Variants in ACTR3C observed in about 807,000 individuals in gnomAD.
ACTR3C encodes the protein actin-related protein 3C.
ACTR3C carries 18 observed loss-of-function variants against 26.3 expected under a neutral mutation model. The ratio of observed to expected loss-of-function variants is 0.68; its 90% CI spans 0.47 to 1.01. ACTR3C has a LOEUF of 1.01. Ranked by LOEUF, ACTR3C falls within the 50% of genes least tolerant of loss-of-function variation. The pLI, the probability that ACTR3C is intolerant of heterozygous loss-of-function variation, is 0.00. For missense variants in ACTR3C, 184 were observed against 250.7 expected, an observed-to-expected ratio of 0.73 and a Z score of 1.80; for synonymous variants, 55 against 94.5, an observed-to-expected ratio of 0.58 and a Z score of 2.42.
the ACTR3C span, among the ~76,000 whole-genome samples, chr7:150,134,891 A>T: frequency 6.6e-6 from 1 of 152,168 alleles, no homozygotes; most frequent in African/African-American, 2.4e-5. Context: ...TTAAATGAAC[A>T]CCGGCCCCAT....
the ACTR3C span, among the ~76,000 whole-genome samples, chr7:149,943,667 C>T: frequency 3.0e-4 from 46 of 152,124 alleles, no homozygotes; most frequent in Admixed American, 2.8e-3. Context: ...GCCGAGATCC[C>T]GCCATTGCAC....
intron 1 of ACTR3C, among the ~76,000 whole-genome samples, chr7:150,316,782 C>T (rs1445819096): frequency 6.6e-6 from 1 of 152,120 alleles, no homozygotes; most frequent in Non-Finnish European, 1.5e-5. Flanking sequence ...CCACGCCTGG[C>T]CAAGAATCTG....
the ACTR3C span, among the ~76,000 whole-genome samples, chr7:149,923,213 A>T: frequency 8.2e-6 from 1 of 121,940 alleles, no homozygotes; most frequent in Non-Finnish European, 1.9e-5. Flanking sequence ...ATGTTTAAAT[A>T]CATATATATG....
At chr7:150,109,071 A>G in the ACTR3C span, among the ~76,000 whole-genome samples, 1 of 152,030 alleles carries the variant, frequency 6.6e-6, no homozygotes, top group Non-Finnish European at 1.5e-5. Flanking sequence ...CAAAGTCATG[A>G]TGCAAAGTCG....
chr7:149,905,319 A>C, the ACTR3C span, among the ~76,000 whole-genome samples: 1 of 152,046 alleles, frequency 6.6e-6, no homozygotes, highest in Non-Finnish European at 1.5e-5. Flanking sequence ...AGGTGTGCCA[A>C]ATGGGAATGC....
chr7:150,254,403 T>C (rs968206348), intron 6 of ACTR3C, among the ~76,000 whole-genome samples: 1 of 152,214 alleles, frequency 6.6e-6, no homozygotes. Flanking sequence ...ATAGAACTGA[T>C]GTTTATTGTT....
At chr7:149,966,962 A>G in the ACTR3C span, among the ~76,000 whole-genome samples, 4 of 149,188 alleles carry the variant, frequency 2.7e-5, no homozygotes, top group Non-Finnish European at 4.4e-5. Flanking sequence ...CCCAGGCTCA[A>G]GCAATTCTCC....
the ACTR3C span, among the ~76,000 whole-genome samples, chr7:150,039,563 G>C: frequency 9.4e-5 from 14 of 148,976 alleles, no homozygotes; most frequent in Non-Finnish European, 2.1e-4. Flanking sequence ...GGGGGAAGAG[G>C]GACTGGCTCT....
the ACTR3C span, among the ~76,000 whole-genome samples, chr7:150,188,851 G>A: frequency 6.6e-6 from 1 of 150,848 alleles, no homozygotes; most frequent in South Asian, 2.1e-4. Context: ...TACATTCATT[G>A]TTGTGGGGTG....
chr7:150,080,642 C>G, the ACTR3C span, among the ~76,000 whole-genome samples: 811 of 151,834 alleles, frequency 5.3e-3, 27 homozygotes, highest in Admixed American at 0.049. Flanking sequence ...GCAAGAGACA[C>G]CTAGATGGAC....
the ACTR3C span, among the ~76,000 whole-genome samples, chr7:150,092,051 T>C: frequency 9.9e-3 from 1,370 of 138,746 alleles, 20 homozygotes; most frequent in African/African-American, 0.035. Flanking sequence ...ACTGTACTTA[T>C]TGCAGCTGCC....
the ACTR3C span, among the ~76,000 whole-genome samples, chr7:150,159,886 C>A: frequency 9.9e-5 from 15 of 152,238 alleles, no homozygotes; most frequent in East Asian, 5.8e-4. Context: ...CTCACCGCAA[C>A]CTCCACCTCC....
chr7:150,103,575 A>G, the ACTR3C span, among the ~76,000 whole-genome samples: 3 of 151,840 alleles, frequency 2.0e-5, no homozygotes, highest in Non-Finnish European at 4.4e-5. Context: ...GGTGGTTGCA[A>G]TGAACATATA....
the ACTR3C span, among the ~76,000 whole-genome samples, chr7:150,100,264 A>G: frequency 6.6e-6 from 1 of 151,586 alleles, no homozygotes; most frequent in Non-Finnish European, 1.5e-5. Context: ...TCAGGCACTT[A>G]GGAGACATCA....
the ACTR3C span, among the ~76,000 whole-genome samples, chr7:150,058,535 G>A: frequency 4.6e-5 from 7 of 152,166 alleles, no homozygotes; most frequent in Non-Finnish European, 7.4e-5. Flanking sequence ...CCCTCCCCTG[G>A]CCTGCCAACA....
the ACTR3C span, among the ~76,000 whole-genome samples, chr7:149,987,882 G>A: frequency 2.6e-5 from 4 of 152,068 alleles, no homozygotes; most frequent in South Asian, 8.3e-4. Context: ...TAACAAACCT[G>A]CACATGTGCC....
chr7:150,017,158 C>A, the ACTR3C span, among the ~76,000 whole-genome samples: 6 of 151,970 alleles, frequency 3.9e-5, no homozygotes, highest in Admixed American at 6.6e-5. Context: ...CCACTTCCCA[C>A]TGTGGGTCCT....
At chr7:149,987,129 A>C in the ACTR3C span, among the ~76,000 whole-genome samples, 3 of 146,994 alleles carry the variant, frequency 2.0e-5, no homozygotes, top group African/African-American at 5.0e-5. Context: ...TCAATGGACT[A>C]TTATGCAACT....
At chr7:150,119,714 C>G in the ACTR3C span, among the ~76,000 whole-genome samples, 1 of 152,198 alleles carries the variant, frequency 6.6e-6, no homozygotes, top group Non-Finnish European at 1.5e-5. Context: ...GACTTGAACT[C>G]AGCTCTGGAC....
Sources: gnomAD v4.1 joint callset for allele counts (sites outside exome capture counted in the v4.1 genomes callset) on GRCh38, gnomAD v4.1.1 for gene constraint, MANE v1.5 for transcripts, NCBI Gene and HGNC (gene_info 2026-07-23, HGNC 2026-07-21) for gene names.